Variants in COMMD1 observed in about 807,000 individuals in gnomAD.
COMMD1 encodes the protein copper metabolism domain containing 1.
In COMMD1, 10 loss-of-function variants were observed where a neutral mutation model predicts 17.2. The ratio of observed to expected loss-of-function variants is 0.58; its 90% confidence interval spans 0.36 to 0.99. COMMD1 has a LOEUF of 0.99. COMMD1 is among the 50% of genes least tolerant of loss of function. The pLI is 0.01. For synonymous variants in COMMD1, 97 were observed against 91.6 expected (o/e 1.06, Z -0.34); for missense variants, 270 against 231.8 (o/e 1.17, Z -1.07).
At chr2:61,910,053 A>G (rs1336561465) in intron 1 of COMMD1, among the ~76,000 whole-genome samples, 1 of 152,162 alleles carries the variant, frequency 6.6e-6, no homozygotes, top group Non-Finnish European at 1.5e-5. Context: ...GTTAATCACA[A>G]AAGGACAAAC....
At chr2:61,977,814 C>A (rs539870016) in intron 1 of COMMD1, among the ~76,000 whole-genome samples, 23 of 151,804 alleles carry the variant, frequency 1.5e-4, no homozygotes, top group Admixed American at 1.2e-3. Context: ...TGGTGAAACC[C>A]CATCTCTACT....
At chr2:62,036,209 T>C (rs1670035786) in intron 2 of COMMD1, among the ~76,000 whole-genome samples, 1 of 149,880 alleles carries the variant, frequency 6.7e-6, no homozygotes, top group Non-Finnish European at 1.5e-5. Context: ...TTCTATTTGC[T>C]ATGATTGGTT....
intron 1 of COMMD1, among the ~76,000 whole-genome samples, chr2:61,961,879 G>T (rs774801057): frequency 2.6e-5 from 4 of 152,080 alleles, no homozygotes; most frequent in Non-Finnish European, 1.5e-5. Flanking sequence ...GTAGGGAGTT[G>T]GTACTTGTTA....
chr2:61,925,694 C>T (rs1558523716), intron 1 of COMMD1, among the ~76,000 whole-genome samples: 1 of 152,122 alleles, frequency 6.6e-6, no homozygotes, highest in Non-Finnish European at 1.5e-5. Flanking sequence ...GCAGTTTGTC[C>T]TTAACAGTAG....
chr2:61,888,745 G>C, exon 1 of COMMD1: 4 of 542,208 alleles, frequency 7.4e-6, no homozygotes, highest in Non-Finnish European at 1.3e-5. Flanking sequence ...TGGGCTCCGG[G>C]CTGGCGAGAT....
intron 2 of COMMD1, among the ~76,000 whole-genome samples, chr2:62,003,835 A>G (rs7574498): frequency 0.15 from 23,429 of 152,210 alleles, 1,991 homozygotes; most frequent in African/African-American, 0.2. Flanking sequence ...CGTTAATACT[A>G]TCATAGGTTT....
intron 2 of COMMD1, among the ~76,000 whole-genome samples, chr2:62,112,589 G>T (rs1165756314): frequency 2.0e-5 from 3 of 152,218 alleles, no homozygotes; most frequent in African/African-American, 7.2e-5. Flanking sequence ...AACATTTATT[G>T]AGAGTCTGTT....
At chr2:62,079,181 G>T (rs1278549836) in intron 2 of COMMD1, among the ~76,000 whole-genome samples, 1 of 152,138 alleles carries the variant, frequency 6.6e-6, no homozygotes, top group Admixed American at 6.5e-5. Flanking sequence ...AGTCCACAGC[G>T]CAAAGTAAAA....
At chr2:62,062,317 C>G (rs1327943213) in intron 2 of COMMD1, among the ~76,000 whole-genome samples, 1 of 151,864 alleles carries the variant, frequency 6.6e-6, no homozygotes, top group African/African-American at 2.4e-5. Context: ...ACCTGCCACT[C>G]CCAGGTTCAA....
chr2:61,956,394 AAATT>A (rs1206512367), intron 1 of COMMD1, among the ~76,000 whole-genome samples: 1 of 130,230 alleles, frequency 7.7e-6, no homozygotes, highest in Non-Finnish European at 1.5e-5. Flanking sequence ...TAGCACCTCA[AAATT>A]AATTCCTTGT....
intron 2 of COMMD1, among the ~76,000 whole-genome samples, chr2:62,123,352 A>G (rs1176035023): frequency 1.3e-5 from 2 of 151,524 alleles, no homozygotes; most frequent in Non-Finnish European, 2.9e-5. Flanking sequence ...AAAAAATACA[A>G]TAACTAGCTG....
chr2:61,991,493 G>A lies in COMMD1; in HGVS notation c.181-9208G>A, dbSNP rs141183678. ...CTGCTCTCAAAGTTTAGACTCTGTT[G>A]GGTCAAATAGACTTTTTGACATAAT... On this transcript the variant is annotated intron_variant, in intron 1 of 2. Transcript: ENST00000311832. 6.1e-3 allele frequency among the ~76,000 whole-genome samples: 925 copies of A among 152,214 alleles called. 10 individuals are homozygous for A. The highest frequency in any genetic ancestry group is 0.021 in the African/African-American group (866 of 41,518).
intron 2 of COMMD1, among the ~76,000 whole-genome samples, chr2:62,098,503 G>A (rs904844388): frequency 6.6e-6 from 1 of 152,052 alleles, no homozygotes; most frequent in Admixed American, 6.6e-5. Context: ...GGAAGCCCAA[G>A]CCACATTATT....
chr2:61,984,913 T>G (rs1331408226), intron 1 of COMMD1, among the ~76,000 whole-genome samples: 1 of 152,084 alleles, frequency 6.6e-6, no homozygotes, highest in African/African-American at 2.4e-5. Flanking sequence ...CTTTTTTTTT[T>G]GGTCTCTTTT....
upstream of COMMD1, chr2:61,905,567 C>T (rs951807900): frequency 9.8e-6 from 11 of 1,126,202 alleles, no homozygotes; most frequent in African/African-American, 9.4e-5. Flanking sequence ...GAAGCCTTGC[C>T]TCCAGGTTCC....
At chr2:61,899,963 C>T (rs1245157676) in intron 1 of COMMD1, among the ~76,000 whole-genome samples, 2 of 152,172 alleles carry the variant, frequency 1.3e-5, no homozygotes, top group African/African-American at 4.8e-5. Flanking sequence ...TGAGCCACCG[C>T]GCCCAGCCTG....
intron 2 of COMMD1, among the ~76,000 whole-genome samples, chr2:62,118,046 T>C (rs983404594): frequency 6.6e-6 from 1 of 152,226 alleles, no homozygotes; most frequent in African/African-American, 2.4e-5. Context: ...TATAGAATTG[T>C]GTGCGATTTT....
At chr2:61,987,502 G>A (rs565266336) in intron 1 of COMMD1, among the ~76,000 whole-genome samples, 7 of 152,288 alleles carry the variant, frequency 4.6e-5, no homozygotes, top group African/African-American at 1.7e-4. Context: ...GCCAGGCAGA[G>A]ACTCTTGTTC....
intron 1 of COMMD1, among the ~76,000 whole-genome samples, chr2:61,948,676 A>G (rs1380467146): frequency 6.6e-6 from 1 of 152,216 alleles, no homozygotes. Context: ...TTTCTAGTGG[A>G]TAGAACAAAT....
Sources: gnomAD v4.1 joint callset for allele counts (sites outside exome capture counted in the v4.1 genomes callset) on GRCh38, gnomAD v4.1.1 for gene constraint, MANE v1.5 for transcripts, NCBI Gene and HGNC (gene_info 2026-07-23, HGNC 2026-07-21) for gene names.